LRP1B: variants seen among roughly 807,000 people sequenced by gnomAD.
The protein encoded by LRP1B is low-density lipoprotein receptor-related protein 1B.
A neutral mutation model predicts 556.6 loss-of-function variants in LRP1B; 217 were observed. The observed-to-expected ratio is 0.39, with a 90% CI of 0.35 to 0.44. The LOEUF (loss-of-function observed/expected upper bound fraction) is 0.44, where lower values mean the gene tolerates loss of function less well. LRP1B is among the 20% of genes least tolerant of loss of function. The pLI is 1.00. For synonymous variants in LRP1B, 2,047 were observed against 1,865.8 expected, an observed-to-expected ratio of 1.10 and a Z score of -2.50; for missense variants, 5,053 against 5,620.8, an observed-to-expected ratio of 0.90 and a Z score of 3.23.
intron 11 of LRP1B, among the ~76,000 whole-genome samples, chr2:141,021,708 C>A (rs1157254785): frequency 6.6e-6 from 1 of 151,854 alleles, no homozygotes; most frequent in Admixed American, 6.6e-5. Flanking sequence ...TAACATATGA[C>A]TTGAGACTTA....
At chr2:141,597,375 C>T (rs1200321335) in intron 2 of LRP1B, among the ~76,000 whole-genome samples, 8 of 151,920 alleles carry the variant, frequency 5.3e-5, no homozygotes, top group Admixed American at 1.3e-4. Context: ...AGATTTAAGC[C>T]GTAACTAAGG....
In LRP1B at chr2:141,571,465, T is replaced by A. The variant is rs182225904; in HGVS notation, c.206-90932A>T. On this transcript the variant is annotated intron_variant, in intron 2 of 90. Coordinates refer to ENST00000389484, the MANE Select transcript of LRP1B (RefSeq NM_018557.3). Reference sequence around the variant, plus strand: ...CCGAAACTAGACAAACTCACAAAGATAAGAAAAAAAAATCAAAGAAAAAAT... The same window carrying A: ...CCGAAACTAGACAAACTCACAAAGAAAAGAAAAAAAAATCAAAGAAAAAAT... Among the ~76,000 whole-genome samples the A allele has an allele frequency of 2.5e-4, 34 of 138,150 alleles. No individual in the cohort carries two copies. In the East Asian group the frequency reaches 6.5e-3, roughly 26 times the overall value. 90.6% of individuals were successfully genotyped at this position (138,150 alleles called of 152,430 possible).
chr2:140,993,637 T>C (rs1201748722), intron 16 of LRP1B, among the ~76,000 whole-genome samples: 1 of 152,016 alleles, frequency 6.6e-6, no homozygotes. Flanking sequence ...AATAATTTTG[T>C]CTTGAGGGAA....
At chr2:141,605,483 T>C (rs1396099240) in intron 2 of LRP1B, among the ~76,000 whole-genome samples, 2 of 152,182 alleles carry the variant, frequency 1.3e-5, no homozygotes, top group Non-Finnish European at 2.9e-5. Context: ...CTCAGGTTTA[T>C]GGGATCATTA....
intron 1 of LRP1B, among the ~76,000 whole-genome samples, chr2:141,908,886 A>G (rs572477308): frequency 5.9e-5 from 9 of 152,202 alleles, no homozygotes; most frequent in Admixed American, 1.3e-4. Flanking sequence ...TGAGCAAGCC[A>G]TTGAGGTTGG....
chr2:140,990,560 T>G (rs988302085), intron 16 of LRP1B, among the ~76,000 whole-genome samples: 1 of 148,514 alleles, frequency 6.7e-6, no homozygotes, highest in Non-Finnish European at 1.5e-5. Flanking sequence ...CTGTATTACT[T>G]AAAAAAAAAA....
At chr2:141,547,150 G>C (rs1340897861) in intron 2 of LRP1B, among the ~76,000 whole-genome samples, 1 of 152,050 alleles carries the variant, frequency 6.6e-6, no homozygotes, top group African/African-American at 2.4e-5. Context: ...CTCTCAAACT[G>C]GTTCTTCTCT....
At position 142,130,789 on chromosome 2, in the gene LRP1B, C is replaced by T. The variant is rs774217362; in HGVS notation, c.-60G>A. 4 of 1,336,932 alleles carry T rather than the reference C, an allele frequency of 3.0e-6. No homozygotes were observed. The East Asian group carries it at 7.4e-5, about 25-fold the overall frequency. The allele number at this position is 1,336,932 out of a possible 1,614,324, so 82.8% of individuals were successfully genotyped here. ...CTGCTCGGCGGCACCTTCGGCCCGG[C>T]GGCGGCGGCGGCGGCAGGGGCCGCT... On this transcript the variant is annotated 5_prime_UTR_variant, in exon 1 of 91. Coordinates refer to ENST00000389484, the MANE Select transcript of LRP1B (RefSeq NM_018557.3).
At chr2:141,890,391 G>GTAT (rs1558942960) in intron 1 of LRP1B, among the ~76,000 whole-genome samples, 4 of 42,404 alleles carry the variant, frequency 9.4e-5, no homozygotes, top group Non-Finnish European at 1.9e-4. Flanking sequence ...TACATATATA[G>GTAT]TGTATATATA....
intron 89 of LRP1B, among the ~76,000 whole-genome samples, chr2:140,236,389 A>G (rs1680699877): frequency 6.6e-6 from 1 of 151,038 alleles, no homozygotes; most frequent in South Asian, 2.1e-4. Flanking sequence ...TAACTATTCA[A>G]TAAATAAGTG....
In LRP1B at chr2:141,597,486, T is replaced by A. The variant is rs565591312; in HGVS notation, c.206-116953A>T. ...GCCCTTCACCTTCACATCCTAATGG[T>A]CAACTCATATTCTAAACTTCCATCA... On this transcript the variant is annotated intron_variant, in intron 2 of 90. Coordinates refer to ENST00000389484, the MANE Select transcript of LRP1B (RefSeq NM_018557.3). 2.6e-5 allele frequency among the ~76,000 whole-genome samples: 4 copies of A among 152,232 alleles called. No individual in the cohort carries two copies. In the South Asian group the frequency reaches 8.3e-4, roughly 32 times the overall value.
At chr2:141,511,663 C>A (rs1255253870) in intron 2 of LRP1B, among the ~76,000 whole-genome samples, 1 of 152,136 alleles carries the variant, frequency 6.6e-6, no homozygotes. Context: ...TATTCCAAAA[C>A]CTTGTGTGCT....
At chr2:141,334,636 C>A (rs1352662613) in intron 3 of LRP1B, among the ~76,000 whole-genome samples, 1 of 152,190 alleles carries the variant, frequency 6.6e-6, no homozygotes, top group Admixed American at 6.5e-5. Context: ...ACTGCAACCT[C>A]CACCTCCCAG....
intron 2 of LRP1B, among the ~76,000 whole-genome samples, chr2:141,737,405 A>G (rs1477547204): frequency 6.6e-6 from 1 of 152,184 alleles, no homozygotes; most frequent in Non-Finnish European, 1.5e-5. Flanking sequence ...CCCAGTGCTG[A>G]CTTACAAAAG....
intron 41 of LRP1B, among the ~76,000 whole-genome samples, chr2:140,641,867 G>T (rs942274086): frequency 6.6e-6 from 1 of 152,066 alleles, no homozygotes; most frequent in African/African-American, 2.4e-5. Flanking sequence ...TATTTCTAAA[G>T]GCCAAACCTA....
chr2:141,213,722 A>G (rs529633327), intron 6 of LRP1B, among the ~76,000 whole-genome samples: 97 of 152,350 alleles, frequency 6.4e-4, no homozygotes, highest in African/African-American at 2.2e-3. Context: ...GTATATTTTA[A>G]GTCATCTCTA....
intron 66 of LRP1B, among the ~76,000 whole-genome samples, chr2:140,402,557 A>C (rs1413303949): frequency 6.6e-6 from 1 of 152,196 alleles, no homozygotes; most frequent in Non-Finnish European, 1.5e-5. Flanking sequence ...CCTACAGAGA[A>C]AAAGAGGTGC....
At position 141,859,328 on chromosome 2, in the gene LRP1B, C is replaced by T. The variant is rs78905268; in HGVS notation, c.83-48927G>A. Among the ~76,000 whole-genome samples the T allele has an allele frequency of 4.5e-3, 688 of 152,226 alleles. 1 individual carries two copies. The highest frequency in any genetic ancestry group is 8.1e-3 in the Non-Finnish European group (553 of 68,010). ...CACTCCCTTTGTCTTTGCATCTCGA[C>T]CTGAAATAGTCTATGAGTTTATAAA... is the stretch of plus-strand genomic sequence containing the variant. On this transcript the variant is annotated intron_variant, in intron 1 of 90. Transcript: ENST00000389484.
chr2:140,378,134 T>C (rs1683314986), intron 68 of LRP1B, 46 bp downstream of exon 68: 2 of 1,232,620 alleles, frequency 1.6e-6, no homozygotes, highest in East Asian at 4.7e-5. Flanking sequence ...ATTACAAATG[T>C]GGTTCTAAAG....
Sources: allele counts gnomAD v4.1 joint callset (sites outside exome capture counted in the v4.1 genomes callset), GRCh38; gene constraint gnomAD v4.1.1; transcripts MANE v1.5; gene names NCBI Gene and HGNC (gene_info 2026-07-23, HGNC 2026-07-21).